Variants in ARB2A observed in about 807,000 individuals in gnomAD.
ARB2A encodes cotranscriptional regulator ARB2A.
At chr5:93,734,072 T>C in the ARB2A span, 2 of 152,142 alleles carry the variant, frequency 1.3e-5, no homozygotes, top group African/African-American at 4.8e-5. Flanking sequence ...AAGAAAAAGA[T>C]CATGCTTTGA....
the ARB2A span, among the ~76,000 whole-genome samples, chr5:93,688,565 A>G: frequency 6.6e-6 from 1 of 151,764 alleles, no homozygotes; most frequent in Non-Finnish European, 1.5e-5. Flanking sequence ...CTTCATAGTC[A>G]TTTCCTTTTC....
chr5:93,894,918 G>A, the ARB2A span, among the ~76,000 whole-genome samples: 2 of 152,134 alleles, frequency 1.3e-5, no homozygotes, highest in Non-Finnish European at 2.9e-5. Flanking sequence ...CTGTATGAAC[G>A]GTGCCACCTA....
At chr5:93,915,981 T>A in the ARB2A span, among the ~76,000 whole-genome samples, 1 of 152,096 alleles carries the variant, frequency 6.6e-6, no homozygotes, top group East Asian at 1.9e-4. Flanking sequence ...GTATTCTCAA[T>A]GTATTCAAGG....
the ARB2A span, among the ~76,000 whole-genome samples, chr5:94,051,665 G>T: frequency 6.6e-6 from 1 of 152,078 alleles, no homozygotes; most frequent in African/African-American, 2.4e-5. Context: ...GAGCATTTGG[G>T]TTATAAAATA....
chr5:93,870,984 A>T, the ARB2A span, among the ~76,000 whole-genome samples: 1 of 152,358 alleles, frequency 6.6e-6, no homozygotes, highest in African/African-American at 2.4e-5. Context: ...TTGTACTTGT[A>T]AGACTGATAG....
chr5:93,825,685 T>C, the ARB2A span, among the ~76,000 whole-genome samples: 8 of 152,150 alleles, frequency 5.3e-5, no homozygotes, highest in Non-Finnish European at 8.8e-5. Flanking sequence ...TTTCATAATA[T>C]GCATTTTCCA....
chr5:94,041,506 CTTAAA>C, the ARB2A span, among the ~76,000 whole-genome samples: 24 of 152,020 alleles, frequency 1.6e-4, no homozygotes, highest in African/African-American at 5.5e-4. Context: ...TATGAAAGAG[CTTAAA>C]TTAATTGATT....
At chr5:94,082,916 A>G in the ARB2A span, among the ~76,000 whole-genome samples, 3 of 152,220 alleles carry the variant, frequency 2.0e-5, no homozygotes, top group Non-Finnish European at 4.4e-5. Context: ...AAACTACCAT[A>G]TAAGTTACAG....
the ARB2A span, among the ~76,000 whole-genome samples, chr5:93,801,882 G>A: frequency 1.3e-5 from 2 of 152,086 alleles, no homozygotes; most frequent in Non-Finnish European, 2.9e-5. Context: ...TGGCCAGAAC[G>A]AAGTCTGAAG....
At chr5:94,058,335 G>T in the ARB2A span, among the ~76,000 whole-genome samples, 1 of 151,966 alleles carries the variant, frequency 6.6e-6, no homozygotes, top group Non-Finnish European at 1.5e-5. Context: ...TACAATGTCT[G>T]GTATCTATGA....
the ARB2A span, among the ~76,000 whole-genome samples, chr5:93,667,443 T>C: frequency 6.6e-6 from 1 of 152,184 alleles, no homozygotes; most frequent in Non-Finnish European, 1.5e-5. Context: ...ATGCCCACTG[T>C]TGAAAATTCT....
At chr5:93,821,784 G>A in the ARB2A span, among the ~76,000 whole-genome samples, 7 of 151,974 alleles carry the variant, frequency 4.6e-5, no homozygotes, top group Non-Finnish European at 7.4e-5. Flanking sequence ...AAATTCATCA[G>A]GGTACAATGT....
chr5:93,893,238 G>A, the ARB2A span, among the ~76,000 whole-genome samples: 1 of 152,044 alleles, frequency 6.6e-6, no homozygotes, highest in Non-Finnish European at 1.5e-5. Context: ...GCAACTTCAT[G>A]GGCCACAGCC....
the ARB2A span, among the ~76,000 whole-genome samples, chr5:93,634,541 T>C: frequency 6.6e-6 from 1 of 152,162 alleles, no homozygotes; most frequent in Non-Finnish European, 1.5e-5. Context: ...GACTAATTGA[T>C]AAACACTGAC....
the ARB2A span, among the ~76,000 whole-genome samples, chr5:94,088,248 C>T: frequency 1.7e-3 from 265 of 152,182 alleles, 1 homozygote; most frequent in Non-Finnish European, 4.4e-4. Flanking sequence ...TGTTTTCAAA[C>T]GGAACTAGTA....
At chr5:93,934,695 C>T in the ARB2A span, among the ~76,000 whole-genome samples, 1 of 152,126 alleles carries the variant, frequency 6.6e-6, no homozygotes, top group East Asian at 1.9e-4. Context: ...TTTGGCCTGT[C>T]AGAATATGAT....
the ARB2A span, among the ~76,000 whole-genome samples, chr5:94,082,069 G>A: frequency 6.6e-6 from 1 of 152,252 alleles, no homozygotes; most frequent in East Asian, 1.9e-4. Context: ...TATTTTCTAG[G>A]TATAAAAGAG....
At chr5:93,894,402 T>C in the ARB2A span, among the ~76,000 whole-genome samples, 12 of 151,436 alleles carry the variant, frequency 7.9e-5, no homozygotes, top group Non-Finnish European at 1.3e-4. Context: ...TTGTGTTTTT[T>C]TAATATTAAA....
At chr5:93,970,886 CA>C in the ARB2A span, among the ~76,000 whole-genome samples, 9 of 151,938 alleles carry the variant, frequency 5.9e-5, no homozygotes, top group Non-Finnish European at 1.2e-4. Flanking sequence ...CCAAAGGAGT[CA>C]AAACAAGCAA....
Sources: gnomAD v4.1 joint callset for allele counts (sites outside exome capture counted in the v4.1 genomes callset) on GRCh38, gnomAD v4.1.1 for gene constraint, MANE v1.5 for transcripts, NCBI Gene and HGNC (gene_info 2026-07-23, HGNC 2026-07-21) for gene names.